Variants in CCDC39 observed in about 807,000 individuals in gnomAD.
The protein encoded by CCDC39 is coiled-coil domain-containing protein 39.
Under a neutral mutation model 121.0 loss-of-function variants are expected in CCDC39, and 113 were observed. That is an observed-to-expected ratio of 0.93 (90% CI 0.80 to 1.09). The LOEUF is 1.09. Ranked by LOEUF, CCDC39 falls within the 50% of genes least tolerant of loss-of-function variation. The pLI, the probability that CCDC39 is intolerant of heterozygous loss-of-function variation, is 0.00. For synonymous variants in CCDC39, 349 were observed against 352.2 expected, an observed-to-expected ratio of 0.99 and a Z score of 0.10; for missense variants, 1,063 against 1,074.7, an observed-to-expected ratio of 0.99 and a Z score of 0.15.
chr3:180,650,162 T>C (rs968319658), intron 9 of CCDC39, among the ~76,000 whole-genome samples: 1 of 152,166 alleles, frequency 6.6e-6, no homozygotes, highest in Non-Finnish European at 1.5e-5. Flanking sequence ...ATAGTTCACT[T>C]TGAAGTTTTC....
At chr3:180,647,506 C>T (rs1255734459) in intron 10 of CCDC39, among the ~76,000 whole-genome samples, 1 of 152,012 alleles carries the variant, frequency 6.6e-6, no homozygotes. Context: ...GTTTATCATA[C>T]TACCATGATG....
At chr3:180,650,843 C>T (rs1458002143) in intron 9 of CCDC39, among the ~76,000 whole-genome samples, 5 of 150,952 alleles carry the variant, frequency 3.3e-5, no homozygotes, top group Non-Finnish European at 7.4e-5. Context: ...GGGGATAGAG[C>T]GAGACTTAGT....
At chr3:180,618,663 T>G (rs1272656589) in intron 16 of CCDC39, among the ~76,000 whole-genome samples, 1 of 152,128 alleles carries the variant, frequency 6.6e-6, no homozygotes, top group Non-Finnish European at 1.5e-5. Flanking sequence ...AGGTGTTTGG[T>G]TTTTTGTCCT....
chr3:180,664,946 G>A (rs1438018224), intron 1 of CCDC39, among the ~76,000 whole-genome samples: 1 of 151,498 alleles, frequency 6.6e-6, no homozygotes, highest in African/African-American at 2.4e-5. Context: ...GACCTTAGGT[G>A]ATCTGCCCAC....
At chr3:180,622,388 T>C (rs1179977983) in intron 14 of CCDC39, among the ~76,000 whole-genome samples, 1 of 152,170 alleles carries the variant, frequency 6.6e-6, no homozygotes, top group Non-Finnish European at 1.5e-5. Context: ...TTTTCCTATT[T>C]GAAAGACTTT....
intron 10 of CCDC39, 135 bp downstream of exon 10, chr3:180,648,027 CATG>C (rs2108421809): frequency 1.5e-6 from 1 of 663,220 alleles, no homozygotes; most frequent in Non-Finnish European, 2.5e-6. Context: ...ACTGATCTAA[CATG>C]ATGTCTCACC....
intron 1 of CCDC39, among the ~76,000 whole-genome samples, chr3:180,670,758 T>C (rs975950368): frequency 2.0e-5 from 3 of 151,586 alleles, no homozygotes; most frequent in Non-Finnish European, 4.4e-5. Flanking sequence ...ATCACTGATA[T>C]GGAGAAAGTG....
intron 1 of CCDC39, 52 bp from the exon 2 acceptor site, chr3:180,664,038 A>T: frequency 1.3e-6 from 2 of 1,490,538 alleles, no homozygotes; most frequent in Non-Finnish European, 1.8e-6. Context: ...GTTTTACCAT[A>T]TGAAGGACCT....
intron 10 of CCDC39, 36 bp from the exon 11 acceptor site, chr3:180,647,279 A>C (rs1311740775): frequency 6.8e-7 from 1 of 1,465,482 alleles, no homozygotes; most frequent in Non-Finnish European, 9.1e-7. Flanking sequence ...TATTACAAAG[A>C]AAAAAAAAGC....
intron 1 of CCDC39, among the ~76,000 whole-genome samples, chr3:180,665,632 T>C (rs867398443): frequency 3.3e-5 from 5 of 151,958 alleles, no homozygotes; most frequent in Admixed American, 2.0e-4. Flanking sequence ...GTCTTAATGA[T>C]TGAATTAAAA....
At chr3:180,676,541 G>C (rs1454896120) in intron 1 of CCDC39, among the ~76,000 whole-genome samples, 12 of 152,206 alleles carry the variant, frequency 7.9e-5, no homozygotes, top group Non-Finnish European at 1.5e-4. Flanking sequence ...TTACACTGTT[G>C]GTGGGACTGT....
intron 1 of CCDC39, among the ~76,000 whole-genome samples, chr3:180,664,504 C>A (rs1336786757): frequency 1.3e-5 from 2 of 152,170 alleles, no homozygotes; most frequent in African/African-American, 2.4e-5. Context: ...TCTACTAATT[C>A]TTTAAATGTT....
At chr3:180,648,401 T>G (rs1718123645) in intron 9 of CCDC39, 42 bp from the exon 10 acceptor site, 3 of 1,241,264 alleles carry the variant, frequency 2.4e-6, no homozygotes, top group Non-Finnish European at 2.2e-6. Flanking sequence ...TTAAATATAT[T>G]GAAATGTTGT....
At chr3:180,660,819 G>A in intron 3 of CCDC39, 91 bp from the exon 4 acceptor site, 2 of 1,144,722 alleles carry the variant, frequency 1.7e-6, no homozygotes, top group Non-Finnish European at 2.4e-6. Flanking sequence ...ATACTATGGA[G>A]CAAAATTAAA....
intron 11 of CCDC39, among the ~76,000 whole-genome samples, chr3:180,646,587 T>C (rs1053412411): frequency 6.6e-6 from 1 of 152,128 alleles, no homozygotes; most frequent in Non-Finnish European, 1.5e-5. Flanking sequence ...GAATAACAAC[T>C]GCTGACTCAT....
At position 180,679,409 on chromosome 3, in the gene CCDC39, G is replaced by C. The variant is rs13089430; in HGVS notation, c.-29C>G. ...TGCAAACGGATAGAGAAGATACAGA[G>C]CAAAGATCCGCCTTCTTGTACAGCG... On this transcript the variant is annotated 5_prime_UTR_variant, in exon 1 of 20. Transcript: ENST00000476379. This position sits in a 1 kb window ranked among gnomAD's most constrained non-coding sequence, Gnocchi z 4.0. The C allele has an allele frequency of 1.9e-6, 3 of 1,592,534 alleles. No individual in the cohort carries two copies. The African/African-American group carries it at 4.0e-5, about 21-fold the overall frequency.
intron 1 of CCDC39, among the ~76,000 whole-genome samples, chr3:180,665,864 ATAATC>A (rs1009620204): frequency 3.0e-4 from 45 of 151,992 alleles, no homozygotes; most frequent in African/African-American, 1.0e-3. Flanking sequence ...TAATTTAAAA[ATAATC>A]TATTATAAAT....
rs574289086 is a variant in CCDC39 at position 180,631,694 on chromosome 3, T to C, written c.1875-102A>G. The C allele has an allele frequency of 4.2e-6, 4 of 952,316 alleles. No homozygotes were observed. In the South Asian group the frequency reaches 6.3e-5, roughly 15 times the overall value. 59.0% of individuals were successfully genotyped at this position (952,316 alleles called of 1,614,324 possible). Reference sequence around the variant, plus strand: ...AAGACATTTGGATTTGTGTTACTACTAAACTCAAACAGGTTAAATTTGTTC... The same window carrying C: ...AAGACATTTGGATTTGTGTTACTACCAAACTCAAACAGGTTAAATTTGTTC... On this transcript the variant is annotated intron_variant, in intron 13 of 19. Transcript: ENST00000476379.
At chr3:180,673,526 G>A (rs986626775) in intron 1 of CCDC39, among the ~76,000 whole-genome samples, 7 of 152,106 alleles carry the variant, frequency 4.6e-5, no homozygotes, top group Non-Finnish European at 7.4e-5. Context: ...GTATGCACAC[G>A]TTTTGAATTT....
Sources: gnomAD v4.1 joint callset for allele counts (sites outside exome capture counted in the v4.1 genomes callset) on GRCh38, gnomAD v4.1.1 for gene constraint, Gnocchi (gnomAD v3.1) non-coding constraint, MANE v1.5 for transcripts, NCBI Gene and HGNC (gene_info 2026-07-23, HGNC 2026-07-21) for gene names.